DNAH6: variants seen among roughly 807,000 people sequenced by gnomAD.
The protein encoded by DNAH6 is dynein axonemal heavy chain 6.
A neutral mutation model predicts 491.4 loss-of-function variants in DNAH6; 340 were observed. That is an observed-to-expected ratio of 0.69 (90% CI 0.63 to 0.76). DNAH6 has a LOEUF of 0.76. DNAH6 is among the 30% of genes least tolerant of loss of function. The pLI, the probability that DNAH6 is intolerant of heterozygous loss-of-function variation, is 0.00. For synonymous variants in DNAH6, 1,603 were observed against 1,686.1 expected (o/e 0.95, Z 1.21); for missense variants, 4,443 against 4,972.2 (o/e 0.89, Z 3.20).
chr2:84,545,581 G>A (rs1678696157), intron 5 of DNAH6, among the ~76,000 whole-genome samples: 1 of 152,138 alleles, frequency 6.6e-6, no homozygotes, highest in Admixed American at 6.5e-5. Flanking sequence ...TTTTCATTCT[G>A]TGTCCATCAT....
At position 84,629,497 on chromosome 2, in the gene DNAH6, T is replaced by C. The variant is rs139639493; in HGVS notation, c.4515+4434T>C. Among the ~76,000 whole-genome samples, 327 of 152,368 alleles carry C rather than the reference T, an allele frequency of 2.1e-3. 1 individual carries two copies. Among genetic ancestry groups the C allele is most frequent in the African/African-American group, 7.6e-3 (318 of 41,586 alleles). Reference sequence around the variant, plus strand: ...TCTCCTGGTTACTAATGAGGTTGAATGTCTTTTCAAATGTTTATACTGTAG... The same window carrying C: ...TCTCCTGGTTACTAATGAGGTTGAACGTCTTTTCAAATGTTTATACTGTAG... On this transcript the variant is annotated intron_variant, in intron 29 of 76. Coordinates refer to ENST00000389394, the MANE Select transcript of DNAH6 (RefSeq NM_001370.2).
intron 49 of DNAH6, among the ~76,000 whole-genome samples, chr2:84,702,175 C>T (rs939129062): frequency 2.0e-5 from 3 of 152,152 alleles, no homozygotes; most frequent in Admixed American, 6.5e-5. Context: ...CTGTGTACAG[C>T]CTATGTTCTG....
chr2:84,781,053 T>C (rs1676640739), intron 64 of DNAH6, among the ~76,000 whole-genome samples: 1 of 152,230 alleles, frequency 6.6e-6, no homozygotes, highest in South Asian at 2.1e-4. Flanking sequence ...TGAGAATTCA[T>C]TGACCCATAC....
intron 75 of DNAH6, 61 bp from the exon 76 acceptor site, chr2:84,815,800 G>A: frequency 8.3e-7 from 1 of 1,205,506 alleles, no homozygotes; most frequent in Non-Finnish European, 1.2e-6. Flanking sequence ...CATAGGAAGT[G>A]GCTCACACCT....
chr2:84,475,948 A>G, the DNAH6 span, among the ~76,000 whole-genome samples: 1 of 152,072 alleles, frequency 6.6e-6, no homozygotes, highest in African/African-American at 2.4e-5. Flanking sequence ...TTGATTTTCT[A>G]ATCGACCCCA....
chr2:84,557,242 G>A lies in DNAH6; in HGVS notation c.1603-493G>A, dbSNP rs550697758. Among the ~76,000 whole-genome samples the A allele has an allele frequency of 5.9e-5, 9 of 152,222 alleles. No homozygotes were observed. The South Asian group carries it at 1.9e-3, about 32-fold the overall frequency. ...TGTCTCTCTCAATTAGAAAACATAT[G>A]TCCTGAAGTTAGGGCCATGTCTTTT... On this transcript the variant is annotated intron_variant, in intron 10 of 76. Coordinates refer to ENST00000389394, the MANE Select transcript of DNAH6 (RefSeq NM_001370.2).
chr2:84,658,182 G>T, intron 35 of DNAH6, 110 bp from the exon 36 acceptor site: 3 of 696,580 alleles, frequency 4.3e-6, no homozygotes, highest in South Asian at 2.7e-5. Flanking sequence ...ATAGCCTTTG[G>T]TCTAAAGGTC....
chr2:84,769,555 T>C (rs1675417165), intron 64 of DNAH6, among the ~76,000 whole-genome samples: 1 of 152,200 alleles, frequency 6.6e-6, no homozygotes, highest in Admixed American at 6.5e-5. Context: ...ATGGTGTGAG[T>C]TCCTGGTGCC....
intron 63 of DNAH6, among the ~76,000 whole-genome samples, chr2:84,755,347 C>G (rs2105095899): frequency 6.6e-6 from 1 of 152,320 alleles, no homozygotes; most frequent in Middle Eastern, 3.4e-3. Flanking sequence ...CCGTATCATG[C>G]TCTTGGACTT....
At chr2:84,704,638 A>C (rs1360542060) in intron 51 of DNAH6, among the ~76,000 whole-genome samples, 1 of 152,158 alleles carries the variant, frequency 6.6e-6, no homozygotes. Context: ...TTTTTGGAAA[A>C]CACTGCTCAG....
intron 48 of DNAH6, among the ~76,000 whole-genome samples, chr2:84,700,591 G>A (rs915106375): frequency 6.6e-6 from 1 of 152,196 alleles, no homozygotes; most frequent in African/African-American, 2.4e-5. Context: ...AATTTAAAGT[G>A]ATACTAATTG....
chr2:84,586,575 A>C (rs902997921), intron 15 of DNAH6, among the ~76,000 whole-genome samples: 2 of 152,210 alleles, frequency 1.3e-5, no homozygotes, highest in African/African-American at 4.8e-5. Flanking sequence ...GGGTGATGGA[A>C]ATTGGGATTA....
At chr2:84,641,231 C>T (rs901340818) in intron 32 of DNAH6, among the ~76,000 whole-genome samples, 2 of 152,186 alleles carry the variant, frequency 1.3e-5, no homozygotes, top group African/African-American at 4.8e-5. Context: ...GGCCATGACT[C>T]ATTGGCTCAG....
intron 29 of DNAH6, among the ~76,000 whole-genome samples, chr2:84,630,669 C>T (rs919413487): frequency 6.6e-6 from 1 of 152,090 alleles, no homozygotes; most frequent in Non-Finnish European, 1.5e-5. Context: ...GTATCTTTGT[C>T]GGAACAAACC....
intron 11 of DNAH6, among the ~76,000 whole-genome samples, chr2:84,568,089 G>T (rs1158506154): frequency 6.6e-6 from 1 of 152,154 alleles, no homozygotes; most frequent in Non-Finnish European, 1.5e-5. Context: ...ACAGATGATG[G>T]TGAGGCTGTG....
chr2:84,805,693 C>A lies in DNAH6; in HGVS notation c.11510C>A (p.Thr3837Asn). The A allele has an allele frequency of 6.4e-7, 1 of 1,551,706 alleles. No homozygotes were observed. The highest frequency in any genetic ancestry group is 8.7e-7 in the Non-Finnish European group (1 of 1,146,900). The change falls in exon 71 of 77, where the codon ACC becomes AAC. Residue 3837 changes from threonine to asparagine, a missense_variant. Around this residue, in one of 3 missense-constraint regions of DNAH6, gnomAD observed 1,463 missense variants for 1,656.6 expected, o/e 0.88. Coordinates refer to ENST00000389394, the MANE Select transcript of DNAH6 (RefSeq NM_001370.2). ...QYKETSTLIN[T>N]ILEVQPRSST... ...AAAGAGACCAGCACTTTAATCAACA[C>A]CATACTTGAGGTTCAGCCAAGGTCA... is the stretch of plus-strand genomic sequence containing the variant.
chr2:84,505,274 A>G, the DNAH6 span, among the ~76,000 whole-genome samples: 3 of 152,172 alleles, frequency 2.0e-5, no homozygotes, highest in African/African-American at 7.2e-5. Context: ...ATTTTTATAT[A>G]AGATAATTTG....
chr2:84,814,032 C>T lies in DNAH6; in HGVS notation c.12060C>T (p.Tyr4020=). Residue 4020 remains tyrosine (Y), a synonymous_variant, in exon 75 of 77, where the codon TAC becomes TAT. Coordinates refer to ENST00000389394, the MANE Select transcript of DNAH6 (RefSeq NM_001370.2). ...NLPIDELSFK[Y]SVIPTYRDQA... ...CTATAGATGAGCTGAGTTTCAAATA[C>T]AGCGTAATTCCCACCTATCGGGATC... The T allele has an allele frequency of 1.3e-6, 2 of 1,551,716 alleles. No individual in the cohort carries two copies. Among genetic ancestry groups the T allele is most frequent in the Non-Finnish European group, 1.7e-6 (2 of 1,146,968 alleles).
At chr2:84,687,957 G>A (rs182484162) in intron 44 of DNAH6, among the ~76,000 whole-genome samples, 62 of 152,136 alleles carry the variant, frequency 4.1e-4, no homozygotes, top group African/African-American at 1.3e-3. Context: ...AAACCAGGTC[G>A]GGCGCAGTGT....
Sources: allele counts gnomAD v4.1 joint callset (sites outside exome capture counted in the v4.1 genomes callset), GRCh38; gene constraint gnomAD v4.1.1; regional missense constraint gnomAD v4.1.1; transcripts MANE v1.5; gene names NCBI Gene and HGNC (gene_info 2026-07-23, HGNC 2026-07-21).